The following KCNQ3 variants were observed in gnomAD, a reference collection of about 807,000 sequenced individuals.
The protein encoded by KCNQ3 is potassium voltage-gated channel subfamily KQT member 3.
KCNQ3 carries 30 observed loss-of-function variants against 92.5 expected under a neutral mutation model. The observed-to-expected ratio is 0.32, with a 90% CI of 0.24 to 0.44. The LOEUF (loss-of-function observed/expected upper bound fraction) is 0.44. KCNQ3 is among the 20% of genes least tolerant of loss of function. KCNQ3 has a pLI of 1.00. For synonymous variants in KCNQ3, 450 were observed against 468.8 expected (o/e 0.96, Z 0.52); for missense variants, 913 against 1,140.3 (o/e 0.80, Z 2.87).
intron 10 of KCNQ3, 141 bp downstream of exon 10, chr8:132,140,988 A>C: frequency 1.3e-6 from 1 of 756,742 alleles, no homozygotes; most frequent in East Asian, 2.6e-5. Flanking sequence ...GGGAAGCAAG[A>C]AGTTGGCTTG....
chr8:132,147,638 G>C lies in KCNQ3; in HGVS notation c.1263-6307C>G, dbSNP rs76576303. The stretch of plus-strand genomic sequence containing the variant: ...TAAATAAATGGATGATAGATGAATG[G>C]ATGGATGAAGATGGGTGCATGGATG... On this transcript the variant is annotated intron_variant, in intron 9 of 14. Transcript: ENST00000388996. 7.4e-3 allele frequency among the ~76,000 whole-genome samples: 1,125 copies of C among 152,286 alleles called. 15 individuals are homozygous for C. Among genetic ancestry groups the C allele is most frequent in the African/African-American group, 0.026 (1,076 of 41,560 alleles).
intron 12 of KCNQ3, among the ~76,000 whole-genome samples, chr8:132,136,118 C>CAAAA (rs67331428): frequency 2.2e-3 from 87 of 40,018 alleles, no homozygotes; most frequent in Admixed American, 3.1e-3. Context: ...GACTCCATCT[C>CAAAA]AAAAAAAAAA....
At chr8:132,298,777 C>T (rs984672058) in intron 1 of KCNQ3, among the ~76,000 whole-genome samples, 1 of 151,934 alleles carries the variant, frequency 6.6e-6, no homozygotes, top group Admixed American at 6.6e-5. Flanking sequence ...GGCATGGTGG[C>T]GGGCACCTGT....
intron 7 of KCNQ3, among the ~76,000 whole-genome samples, chr8:132,171,910 C>G (rs1475114387): frequency 6.6e-6 from 1 of 152,080 alleles, no homozygotes; most frequent in Admixed American, 6.5e-5. Flanking sequence ...AATCCCAGAA[C>G]TCTGGGAGGC....
At chr8:132,213,195 G>A (rs765933480) in intron 1 of KCNQ3, among the ~76,000 whole-genome samples, 4 of 151,862 alleles carry the variant, frequency 2.6e-5, no homozygotes, top group East Asian at 1.9e-4. Context: ...AGCCCATAAC[G>A]CCAGCCACTG....
At chr8:132,187,189 G>T (rs1020924533) in intron 1 of KCNQ3, 4 of 455,866 alleles carry the variant, frequency 8.8e-6, no homozygotes, top group Non-Finnish European at 1.8e-5. Context: ...ACTCTACTTA[G>T]GTTCTACCCA....
intron 1 of KCNQ3, among the ~76,000 whole-genome samples, chr8:132,472,734 T>C (rs957638089): frequency 3.9e-5 from 6 of 152,176 alleles, no homozygotes; most frequent in African/African-American, 9.7e-5. Context: ...ATGTATTGTA[T>C]AATTCAAAAC....
intron 1 of KCNQ3, among the ~76,000 whole-genome samples, chr8:132,382,548 G>C (rs1819781394): frequency 6.6e-6 from 1 of 152,114 alleles, no homozygotes; most frequent in Non-Finnish European, 1.5e-5. Flanking sequence ...CCCAGTCTTA[G>C]GTATTAATTT....
chr8:132,137,601 A>G (rs1825143667), intron 12 of KCNQ3, among the ~76,000 whole-genome samples: 2 of 152,196 alleles, frequency 1.3e-5, no homozygotes, highest in Admixed American at 1.3e-4. Flanking sequence ...TTTGTTGGCA[A>G]CATCGAAAGC....
intron 1 of KCNQ3, among the ~76,000 whole-genome samples, chr8:132,245,432 A>G (rs1815139292): frequency 6.6e-6 from 1 of 152,158 alleles, no homozygotes; most frequent in Non-Finnish European, 1.5e-5. Context: ...ATGCTCTCCT[A>G]TATTATGCCT....
chr8:132,217,847 C>T (rs951830834), intron 1 of KCNQ3, among the ~76,000 whole-genome samples: 4 of 152,026 alleles, frequency 2.6e-5, no homozygotes. Flanking sequence ...AAGGAGAGGT[C>T]TGGCCAGGCC....
At chr8:132,385,030 C>T (rs1464343067) in intron 1 of KCNQ3, among the ~76,000 whole-genome samples, 1 of 152,206 alleles carries the variant, frequency 6.6e-6, no homozygotes, top group Non-Finnish European at 1.5e-5. Context: ...AAGAACACCT[C>T]AGCAACCAGC....
intron 1 of KCNQ3, among the ~76,000 whole-genome samples, chr8:132,235,931 A>G (rs997885800): frequency 6.8e-6 from 1 of 146,740 alleles, no homozygotes; most frequent in South Asian, 2.1e-4. Flanking sequence ...CATCTGACAC[A>G]TGACTTGGCA....
intron 1 of KCNQ3, among the ~76,000 whole-genome samples, chr8:132,365,808 T>C (rs959755933): frequency 6.6e-6 from 1 of 152,152 alleles, no homozygotes; most frequent in African/African-American, 2.4e-5. Context: ...GACAGGAGAA[T>C]TGCTTGAGGC....
At chr8:132,282,432 T>C (rs1206837184) in intron 1 of KCNQ3, among the ~76,000 whole-genome samples, 1 of 152,160 alleles carries the variant, frequency 6.6e-6, no homozygotes. Context: ...CTGTCCCCCT[T>C]GCTAAGTTTT....
chr8:132,453,733 T>A (rs1338014542), intron 1 of KCNQ3, among the ~76,000 whole-genome samples: 1 of 152,102 alleles, frequency 6.6e-6, no homozygotes, highest in Non-Finnish European at 1.5e-5. Flanking sequence ...TGGAGTAGAA[T>A]CCACACACAA....
chr8:132,459,323 CA>C (rs1822010359), intron 1 of KCNQ3, among the ~76,000 whole-genome samples: 1 of 152,116 alleles, frequency 6.6e-6, no homozygotes, highest in Non-Finnish European at 1.5e-5. Context: ...CTTATAAAGA[CA>C]AGAGATTTAT....
At chr8:132,333,171 G>T (rs1265144176) in intron 1 of KCNQ3, among the ~76,000 whole-genome samples, 1 of 152,122 alleles carries the variant, frequency 6.6e-6, no homozygotes, top group Non-Finnish European at 1.5e-5. Context: ...AAGCTTCTGT[G>T]CCCTTCAAGA....
chr8:132,298,578 C>T (rs1817118962), intron 1 of KCNQ3, among the ~76,000 whole-genome samples: 1 of 152,042 alleles, frequency 6.6e-6, no homozygotes, highest in African/African-American at 2.4e-5. Context: ...CTTAATATAC[C>T]GATTTTAGAA....
Sources: allele counts gnomAD v4.1 joint callset (sites outside exome capture counted in the v4.1 genomes callset), GRCh38; gene constraint gnomAD v4.1.1; transcripts MANE v1.5; gene names NCBI Gene and HGNC (gene_info 2026-07-23, HGNC 2026-07-21).